Variants in SLC8A1 observed in about 807,000 individuals in gnomAD.
SLC8A1 encodes the protein sodium/calcium exchanger 1.
Under a neutral mutation model 68.3 loss-of-function variants are expected in SLC8A1, and 18 were observed. The ratio of observed to expected loss-of-function variants is 0.26; its 90% CI spans 0.18 to 0.39. The LOEUF (loss-of-function observed/expected upper bound fraction) is 0.39, where lower values mean the gene tolerates loss of function less well. SLC8A1 is among the 10% of genes least tolerant of loss of function. The pLI is 1.00. For missense variants in SLC8A1, 985 were observed against 1,156.7 expected, an observed-to-expected ratio of 0.85 and a Z score of 2.15; for synonymous variants, 475 against 415.5, an observed-to-expected ratio of 1.14 and a Z score of -1.74.
intron 2 of SLC8A1, among the ~76,000 whole-genome samples, chr2:40,346,046 G>GTA (rs1669156761): frequency 3.5e-5 from 1 of 28,466 alleles, no homozygotes; most frequent in Non-Finnish European, 6.6e-5. Flanking sequence ...AACATTAACA[G>GTA]TAAAAAAAAA....
intron 2 of SLC8A1, among the ~76,000 whole-genome samples, chr2:40,285,125 A>G (rs555033752): frequency 1.3e-5 from 2 of 152,292 alleles, no homozygotes; most frequent in South Asian, 2.1e-4. Context: ...AGCTTCTGGT[A>G]GCAACTCTGT....
intron 5 of SLC8A1, among the ~76,000 whole-genome samples, chr2:40,161,859 T>C (rs1304301301): frequency 6.6e-6 from 1 of 152,188 alleles, no homozygotes; most frequent in African/African-American, 2.4e-5. Context: ...AAACACATTA[T>C]TTGTCATAGG....
intron 2 of SLC8A1, among the ~76,000 whole-genome samples, chr2:40,379,262 T>C (rs1174413081): frequency 1.3e-5 from 2 of 152,132 alleles, no homozygotes; most frequent in African/African-American, 4.8e-5. Context: ...TTCCAGGTCA[T>C]GTCCTTGCTA....
chr2:40,185,592 G>C (rs755233285), intron 2 of SLC8A1, among the ~76,000 whole-genome samples: 1 of 152,158 alleles, frequency 6.6e-6, no homozygotes, highest in Non-Finnish European at 1.5e-5. Context: ...TGGGGACTTA[G>C]AGATAAAAGG....
intron 2 of SLC8A1, among the ~76,000 whole-genome samples, chr2:40,236,884 T>C (rs974537055): frequency 6.6e-6 from 1 of 151,738 alleles, no homozygotes; most frequent in African/African-American, 2.4e-5. Flanking sequence ...GGATATGAAA[T>C]TCTGGGTTGA....
At chr2:40,282,957 C>T (rs780601952) in intron 2 of SLC8A1, among the ~76,000 whole-genome samples, 1 of 152,098 alleles carries the variant, frequency 6.6e-6, no homozygotes, top group Non-Finnish European at 1.5e-5. Flanking sequence ...CCCAAATGAT[C>T]CTGACTTATT....
intron 2 of SLC8A1, among the ~76,000 whole-genome samples, chr2:40,343,918 C>G (rs1296506910): frequency 2.6e-5 from 4 of 152,084 alleles, no homozygotes; most frequent in Admixed American, 2.6e-4. Context: ...CTATAATGTA[C>G]AAATCCATTC....
chr2:40,504,288 G>A (rs999417413), intron 1 of SLC8A1, among the ~76,000 whole-genome samples: 9 of 151,816 alleles, frequency 5.9e-5, no homozygotes, highest in African/African-American at 1.9e-4. Context: ...TCTGTCTCTC[G>A]CTAAATACAA....
At chr2:40,252,918 TATAC>T (rs1263403452) in intron 2 of SLC8A1, among the ~76,000 whole-genome samples, 1 of 132,082 alleles carries the variant, frequency 7.6e-6, no homozygotes, top group African/African-American at 3.3e-5. Flanking sequence ...TATGTGTATA[TATAC>T]ATACATGTAT....
intron 7 of SLC8A1, among the ~76,000 whole-genome samples, chr2:40,138,730 A>C (rs2040996905): frequency 6.6e-6 from 1 of 152,150 alleles, no homozygotes; most frequent in African/African-American, 2.4e-5. Flanking sequence ...TATTGCTATC[A>C]ATGTTGTTTG....
intron 1 of SLC8A1, among the ~76,000 whole-genome samples, chr2:40,512,143 T>A (rs1441395025): frequency 2.0e-5 from 3 of 152,202 alleles, no homozygotes; most frequent in Non-Finnish European, 4.4e-5. Context: ...GTTGCCACTT[T>A]CCTTCCGTTG....
chr2:40,321,056 C>T (rs2075126636), intron 2 of SLC8A1, among the ~76,000 whole-genome samples: 1 of 152,120 alleles, frequency 6.6e-6, no homozygotes, highest in Admixed American at 6.6e-5. Flanking sequence ...GCTAAAAACC[C>T]TTTGTTCGAT....
At chr2:40,470,770 CTT>C (rs1703949394) in intron 1 of SLC8A1, among the ~76,000 whole-genome samples, 1 of 151,838 alleles carries the variant, frequency 6.6e-6, no homozygotes, top group African/African-American at 2.4e-5. Context: ...TTCATTAAGA[CTT>C]AATTTTTTCA....
intron 2 of SLC8A1, among the ~76,000 whole-genome samples, chr2:40,296,361 G>T (rs1575153722): frequency 6.6e-6 from 1 of 152,138 alleles, no homozygotes; most frequent in East Asian, 1.9e-4. Context: ...GAATATAAGG[G>T]ATTCATTATT....
intron 2 of SLC8A1, among the ~76,000 whole-genome samples, chr2:40,280,262 A>AG: frequency 6.6e-6 from 1 of 151,382 alleles, no homozygotes; most frequent in South Asian, 2.1e-4. Context: ...AAAAAAAAAA[A>AG]AAAAAAAAAA....
At chr2:40,109,441 A>G (rs901071999) in exon 8 of SLC8A1, 4 of 152,212 alleles carry the variant, frequency 2.6e-5, no homozygotes, top group Admixed American at 6.5e-5. Flanking sequence ...TTCAAGAGGT[A>G]TAAAATAAAC....
intron 2 of SLC8A1, among the ~76,000 whole-genome samples, chr2:40,272,667 G>A (rs2066191548): frequency 6.6e-6 from 1 of 152,196 alleles, no homozygotes; most frequent in South Asian, 2.1e-4. Flanking sequence ...GAGTTCCCAG[G>A]CAGGCTGAGC....
At chr2:40,340,984 C>T (rs1228950629) in intron 2 of SLC8A1, among the ~76,000 whole-genome samples, 2 of 152,156 alleles carry the variant, frequency 1.3e-5, no homozygotes, top group Non-Finnish European at 2.9e-5. Flanking sequence ...ATTTCATATC[C>T]TACTATGAAC....
At chr2:40,166,043 C>G (rs1156597485) in intron 4 of SLC8A1, among the ~76,000 whole-genome samples, 1 of 152,188 alleles carries the variant, frequency 6.6e-6, no homozygotes, top group African/African-American at 2.4e-5. Flanking sequence ...GACCTCTGGA[C>G]AAAGTGCCTC....
Sources: allele counts gnomAD v4.1 joint callset (sites outside exome capture counted in the v4.1 genomes callset), GRCh38; gene constraint gnomAD v4.1.1; transcripts MANE v1.5; gene names NCBI Gene and HGNC (gene_info 2026-07-23, HGNC 2026-07-21).